The following PRKN variants were observed in gnomAD, a reference collection of about 807,000 sequenced individuals.
PRKN encodes parkin RBR E3 ubiquitin protein ligase, also known as E3 ubiquitin-protein ligase parkin.
PRKN carries 56 observed loss-of-function variants against 59.5 expected under a neutral mutation model. The ratio of observed to expected loss-of-function variants is 0.94; its 90% CI spans 0.76 to 1.18. The LOEUF (loss-of-function observed/expected upper bound fraction) is 1.18. Ranked by LOEUF, PRKN falls within the 50% of genes most tolerant of loss-of-function variation. PRKN has a pLI of 0.00. For synonymous variants in PRKN, 250 were observed against 222.1 expected (o/e 1.13, Z -1.12); for missense variants, 657 against 596.4 (o/e 1.10, Z -1.06).
chr6:161,504,961 T>C (rs994618708), intron 9 of PRKN, among the ~76,000 whole-genome samples: 30 of 146,050 alleles, frequency 2.1e-4, no homozygotes, highest in African/African-American at 7.4e-4. Context: ...TCTTTGCTAT[T>C]GTGAATAGTG....
intron 2 of PRKN, among the ~76,000 whole-genome samples, chr6:162,331,820 C>T (rs961489857): frequency 1.1e-4 from 17 of 152,114 alleles, no homozygotes; most frequent in African/African-American, 2.4e-4. Context: ...ACCTCCGTAG[C>T]GGTGGGGTTA....
intron 10 of PRKN, among the ~76,000 whole-genome samples, chr6:161,381,679 C>G (rs1400671343): frequency 6.6e-6 from 1 of 152,140 alleles, no homozygotes; most frequent in East Asian, 1.9e-4. Context: ...TGTACTTACC[C>G]AGCTTCATGG....
At chr6:161,697,113 C>T (rs976893468) in intron 7 of PRKN, among the ~76,000 whole-genome samples, 1 of 152,078 alleles carries the variant, frequency 6.6e-6, no homozygotes, top group Non-Finnish European at 1.5e-5. Context: ...TGTGTGGCTC[C>T]GTGTGAAGTA....
intron 9 of PRKN, among the ~76,000 whole-genome samples, chr6:161,478,524 GT>G (rs1426403298): frequency 1.3e-5 from 2 of 152,146 alleles, no homozygotes; most frequent in African/African-American, 4.8e-5. Context: ...CAAAATAGCT[GT>G]TATGTGGCTT....
At chr6:162,350,452 A>G (rs1290872937) in intron 2 of PRKN, among the ~76,000 whole-genome samples, 1 of 152,226 alleles carries the variant, frequency 6.6e-6, no homozygotes, top group African/African-American at 2.4e-5. Flanking sequence ...GCTACCGTAA[A>G]AAAGAGTACG....
At chr6:161,991,252 C>T (rs1781634758) in intron 5 of PRKN, among the ~76,000 whole-genome samples, 1 of 152,258 alleles carries the variant, frequency 6.6e-6, no homozygotes, top group African/African-American at 2.4e-5. Context: ...GGAAATTCTA[C>T]ATCTGGAAGG....
chr6:161,905,900 C>T (rs1778125641), intron 6 of PRKN, among the ~76,000 whole-genome samples: 1 of 135,584 alleles, frequency 7.4e-6, no homozygotes, highest in Admixed American at 8.1e-5. Flanking sequence ...GTGGAGGTTG[C>T]AGTAAGCCAA....
In PRKN at chr6:162,005,947, GTATATA is replaced by G. The variant is rs529492291; in HGVS notation, c.619-32536_619-32531del. On this transcript the variant is annotated intron_variant, in intron 5 of 11. Transcript: ENST00000366898. The stretch of plus-strand genomic sequence containing the variant: ...TGTGAATTTAATATAAAAGGATAGT[GTATATA>G]TATATATATCTACTCACATTTTATG... Among the ~76,000 whole-genome samples, 3 of 150,070 alleles carry G rather than the reference GTATATA, an allele frequency of 2.0e-5. No homozygotes were observed. In the East Asian group the frequency reaches 5.9e-4, roughly 29 times the overall value.
At chr6:161,839,008 G>A (rs1379326957) in intron 6 of PRKN, among the ~76,000 whole-genome samples, 3 of 152,150 alleles carry the variant, frequency 2.0e-5, no homozygotes, top group Non-Finnish European at 4.4e-5. Context: ...GGAGGGACTG[G>A]GCGAGGTGGG....
chr6:161,420,239 C>CAAA (rs529929769), intron 9 of PRKN, among the ~76,000 whole-genome samples: 8 of 73,170 alleles, frequency 1.1e-4, no homozygotes, highest in African/African-American at 3.3e-4. Context: ...GACTATGTCT[C>CAAA]AAAAAAAAAA....
Position 161,905,907 on chromosome 6 carries a change from C to T in PRKN, c.734+67395G>A, listed in dbSNP as rs1778125742. ...CCCGAGAGGTGGAGGTTGCAGTAAG[C>T]CAAGATCACACCACTGCATCTAAAA... On this transcript the variant is annotated intron_variant, in intron 6 of 11. Transcript: ENST00000366898. 2.1e-5 allele frequency among the ~76,000 whole-genome samples: 3 copies of T among 145,346 alleles called. No homozygotes were observed. In the South Asian group the frequency reaches 6.5e-4, roughly 31 times the overall value.
chr6:162,189,646 G>A (rs1229113941), intron 4 of PRKN, among the ~76,000 whole-genome samples: 1 of 151,426 alleles, frequency 6.6e-6, no homozygotes, highest in African/African-American at 2.4e-5. Context: ...CAGAACAGGG[G>A]GACCCAAATA....
At chr6:161,383,037 A>C (rs1225081467) in intron 10 of PRKN, among the ~76,000 whole-genome samples, 1 of 152,228 alleles carries the variant, frequency 6.6e-6, no homozygotes, top group Admixed American at 6.5e-5. Flanking sequence ...AGTTATTATT[A>C]GCAAAATTCA....
intron 4 of PRKN, among the ~76,000 whole-genome samples, chr6:162,064,602 G>C (rs767909625): frequency 6.6e-6 from 1 of 152,214 alleles, no homozygotes; most frequent in Admixed American, 6.5e-5. Context: ...GTCAAGGACT[G>C]TGTCCTACAT....
chr6:162,598,981 T>C (rs565912034), intron 1 of PRKN, among the ~76,000 whole-genome samples: 1 of 152,200 alleles, frequency 6.6e-6, no homozygotes, highest in African/African-American at 2.4e-5. Flanking sequence ...AGAATGTAGG[T>C]ATCACTCCTT....
intron 1 of PRKN, among the ~76,000 whole-genome samples, chr6:162,610,555 G>A (rs1330081403): frequency 1.3e-5 from 2 of 152,082 alleles, no homozygotes; most frequent in Non-Finnish European, 2.9e-5. Flanking sequence ...ATTTCTTGTG[G>A]TATAATAGTA....
chr6:161,862,118 G>C (rs1228257665), intron 6 of PRKN, among the ~76,000 whole-genome samples: 1 of 152,082 alleles, frequency 6.6e-6, no homozygotes. Flanking sequence ...GATAATCCAG[G>C]ATGACTGACT....
intron 7 of PRKN, among the ~76,000 whole-genome samples, chr6:161,603,149 T>A (rs1282267041): frequency 6.6e-6 from 1 of 152,032 alleles, no homozygotes; most frequent in Non-Finnish European, 1.5e-5. Context: ...AATTGCCGAT[T>A]TTTTTTTGGC....
intron 3 of PRKN, among the ~76,000 whole-genome samples, chr6:162,207,607 C>T (rs1411148807): frequency 2.6e-5 from 4 of 152,174 alleles, no homozygotes; most frequent in East Asian, 1.9e-4. Context: ...ATCTTTCCGT[C>T]TCACTATGTG....
Sources: gnomAD v4.1 joint callset for allele counts (sites outside exome capture counted in the v4.1 genomes callset) on GRCh38, gnomAD v4.1.1 for gene constraint, MANE v1.5 for transcripts, NCBI Gene and HGNC (gene_info 2026-07-23, HGNC 2026-07-21) for gene names.